BRAF: variants seen among roughly 807,000 people sequenced by gnomAD.
BRAF encodes serine/threonine-protein kinase B-raf.
A neutral mutation model predicts 104.6 loss-of-function variants in BRAF; 16 were observed. The observed-to-expected ratio is 0.15, with a 90% CI of 0.10 to 0.23. BRAF has a LOEUF of 0.23. BRAF is among the 10% of genes least tolerant of loss of function. The pLI, the probability that BRAF is intolerant of heterozygous loss-of-function variation, is 1.00. For synonymous variants in BRAF, 310 were observed against 341.6 expected (o/e 0.91, Z 1.02); for missense variants, 541 against 937.3 (o/e 0.58, Z 5.52).
rs576930354 is a variant in BRAF, at chr7:140,767,643, C to G, written c.1814+9269G>C. On this transcript the variant is annotated intron_variant, in intron 14 of 19. Coordinates refer to ENST00000644969, the MANE Select transcript of BRAF (RefSeq NM_001374258.1). ...AGAGGACAGTGAATGAACTAGGAAA[C>G]TGAAAGTGTAACTGCCCTATAACAT... Among the ~76,000 whole-genome samples the G allele has an allele frequency of 5.9e-5, 9 of 152,268 alleles. No individual in the cohort carries two copies. In the South Asian group the frequency reaches 1.9e-3, roughly 32 times the overall value.
chr7:140,725,819 AAGGCC>A lies in BRAF; in HGVS notation c.*670_*674del, dbSNP rs1415429496. On this transcript the variant is annotated 3_prime_UTR_variant, in exon 20 of 20. Transcript: ENST00000644969. ...GACCCCTCAGTGAGCAAGGAAACAA[AAGGCC>A]AGAGACCCCGGAGGTCAGGAAGAAG... The A allele has an allele frequency of 2.8e-6, 3 of 1,063,044 alleles. No homozygotes were observed. Among genetic ancestry groups the A allele is most frequent in the African/African-American group, 3.3e-5 (2 of 60,938 alleles). The allele number at this position is 1,063,044 out of a possible 1,614,324, so 65.9% of individuals were successfully genotyped here.
chr7:140,776,584 T>C (rs1298910002), intron 14 of BRAF, among the ~76,000 whole-genome samples: 1 of 152,204 alleles, frequency 6.6e-6, no homozygotes, highest in East Asian at 1.9e-4. Flanking sequence ...AACCATTCTG[T>C]TTACTTGCAC....
chr7:140,845,576 C>T (rs1266868947), intron 2 of BRAF, among the ~76,000 whole-genome samples: 1 of 152,092 alleles, frequency 6.6e-6, no homozygotes, highest in African/African-American at 2.4e-5. Flanking sequence ...GGCCAATAAG[C>T]ACATAATAAA....
At chr7:140,783,296 G>T in intron 10 of BRAF, 139 bp from the exon 10 acceptor site, 2 of 1,002,196 alleles carry the variant, frequency 2.0e-6, no homozygotes, top group Non-Finnish European at 1.4e-6. Flanking sequence ...GGAAAGGATG[G>T]GCCAAAAAGG....
chr7:140,900,643 C>T (rs1017990420), intron 1 of BRAF, among the ~76,000 whole-genome samples: 5 of 152,160 alleles, frequency 3.3e-5, no homozygotes, highest in African/African-American at 1.2e-4. Context: ...CTGAGTCTTG[C>T]TCTGTTGCCC....
chr7:140,899,803 A>G (rs1312181723), intron 1 of BRAF, among the ~76,000 whole-genome samples: 1 of 151,906 alleles, frequency 6.6e-6, no homozygotes, highest in African/African-American at 2.4e-5. Context: ...AATGATCCTC[A>G]CCCTCCTGGT....
intron 1 of BRAF, among the ~76,000 whole-genome samples, chr7:140,878,926 T>G (rs1055872123): frequency 6.6e-6 from 1 of 152,060 alleles, no homozygotes; most frequent in Non-Finnish European, 1.5e-5. Context: ...CAGGCTGGAG[T>G]GCAGTGGCGC....
chr7:140,800,306 T>C, intron 7 of BRAF, 56 bp downstream of exon 7: 1 of 1,612,528 alleles, frequency 6.2e-7, no homozygotes, highest in Non-Finnish European at 8.5e-7. Context: ...AACCAGGAGA[T>C]CCAAAAGAAA....
At chr7:140,882,829 C>G (rs1006244679) in intron 1 of BRAF, among the ~76,000 whole-genome samples, 1 of 151,992 alleles carries the variant, frequency 6.6e-6, no homozygotes, top group African/African-American at 2.4e-5. Flanking sequence ...AACCCCGTCT[C>G]TACTAAAAAT....
intron 1 of BRAF, among the ~76,000 whole-genome samples, chr7:140,909,183 T>C (rs1245826064): frequency 6.6e-6 from 1 of 152,152 alleles, no homozygotes; most frequent in Non-Finnish European, 1.5e-5. Flanking sequence ...CCCAGCACTT[T>C]GGGAGGCCGA....
In BRAF at chr7:140,827,908, T is replaced by A. The variant is rs565180471; in HGVS notation, c.504+6701A>T. On this transcript the variant is annotated intron_variant, in intron 3 of 19. Coordinates refer to ENST00000644969, the MANE Select transcript of BRAF (RefSeq NM_001374258.1). ...ACACTGAAATTTTATTTATTTATTT[T>A]TTTTTGAGATGGAGTTTTGCTCTTG... Among the ~76,000 whole-genome samples the A allele has an allele frequency of 2.6e-4, 39 of 152,336 alleles. 1 individual carries two copies. In the South Asian group the frequency reaches 3.3e-3, roughly 13 times the overall value.
chr7:140,811,862 G>T (rs1343643256), intron 3 of BRAF, among the ~76,000 whole-genome samples: 1 of 152,224 alleles, frequency 6.6e-6, no homozygotes, highest in East Asian at 1.9e-4. Context: ...TGTTTGTAGT[G>T]AATTTATAGA....
chr7:140,808,779 T>C, intron 4 of BRAF, 113 bp downstream of exon 4: 1 of 839,210 alleles, frequency 1.2e-6, no homozygotes, highest in Non-Finnish European at 2.0e-6. Context: ...TAATACTTTT[T>C]CCTAAAGTAC....
rs1227104092 is a variant in BRAF at position 140,924,863 on chromosome 7, G to T, written c.-160C>A. The stretch of plus-strand genomic sequence containing the variant: ...CCGGGCGGCGCCGCGGGCGGAGGGC[G>T]CCTGGGCCACCTCAGGTACCGGCCC... On this transcript the variant is annotated 5_prime_UTR_variant, in exon 1 of 20. Transcript: ENST00000644969. This position sits in a 1 kb window ranked among gnomAD's most constrained non-coding sequence, Gnocchi z 4.2. 4.1e-6 allele frequency: 1 copy of T among 246,898 alleles called. No homozygotes were observed. The highest frequency in any genetic ancestry group is 2.4e-5 in the African/African-American group (1 of 42,272). 15.3% of individuals were successfully genotyped at this position (246,898 alleles called of 1,614,324 possible).
At chr7:140,862,546 T>C (rs1228367545) in intron 1 of BRAF, among the ~76,000 whole-genome samples, 3 of 152,222 alleles carry the variant, frequency 2.0e-5, no homozygotes, top group Non-Finnish European at 4.4e-5. Context: ...AAAAGACTCA[T>C]ATCTACATAA....
chr7:140,779,999 T>C (rs1469772360), intron 12 of BRAF: 1 of 152,188 alleles, frequency 6.6e-6, no homozygotes, highest in Non-Finnish European at 1.5e-5. Flanking sequence ...TTTTAATAAG[T>C]TAAATCAACA....
At chr7:140,903,241 C>G (rs1389184975) in intron 1 of BRAF, among the ~76,000 whole-genome samples, 1 of 152,076 alleles carries the variant, frequency 6.6e-6, no homozygotes, top group Non-Finnish European at 1.5e-5. Context: ...CACGATGACT[C>G]TTATTAGAGG....
In BRAF at chr7:140,924,750, G is replaced by T; in HGVS notation, c.-47C>A. On this transcript the variant is annotated 5_prime_UTR_variant, in exon 1 of 20. Transcript: ENST00000644969. The surrounding 1 kb of genome is among the most constrained non-coding windows in gnomAD (Gnocchi z 4.2). Reference sequence around the variant, plus strand: ...CCGAGCGGCCGCTGTCGGGCGGGGAGGGGGAAGGGAGGCGGAGAGCTGGGG... The same window carrying T: ...CCGAGCGGCCGCTGTCGGGCGGGGATGGGGAAGGGAGGCGGAGAGCTGGGG... 2.8e-6 allele frequency: 2 copies of T among 704,596 alleles called. No homozygotes were observed. The highest frequency in any genetic ancestry group is 4.8e-6 in the Non-Finnish European group (2 of 417,508). 43.6% of individuals were successfully genotyped at this position (704,596 alleles called of 1,614,324 possible).
downstream of BRAF, among the ~76,000 whole-genome samples, chr7:140,714,551 CAGAG>C (rs1795097082): frequency 6.6e-6 from 1 of 152,080 alleles, no homozygotes; most frequent in Non-Finnish European, 1.5e-5. Context: ...TGTGTGTTGA[CAGAG>C]AGTCTGTGTT....
Sources: gnomAD v4.1 joint callset for allele counts (sites outside exome capture counted in the v4.1 genomes callset) on GRCh38, gnomAD v4.1.1 for gene constraint, Gnocchi (gnomAD v3.1) non-coding constraint, MANE v1.5 for transcripts, NCBI Gene and HGNC (gene_info 2026-07-23, HGNC 2026-07-21) for gene names.